The following WDR19 variants were observed in gnomAD, a reference collection of about 807,000 sequenced individuals.
The protein encoded by WDR19 is WD repeat domain 19, also known as WD repeat-containing protein 19.
A neutral mutation model predicts 180.0 loss-of-function variants in WDR19; 121 were observed. The observed-to-expected ratio is 0.67, with a 90% CI of 0.58 to 0.78. WDR19 has a LOEUF of 0.78. Ranked by LOEUF, WDR19 falls within the 30% of genes least tolerant of loss-of-function variation. WDR19 has a pLI of 0.00. For missense variants in WDR19, 1,450 were observed against 1,640.7 expected (o/e 0.88, Z 2.01); for synonymous variants, 497 against 540.7 (o/e 0.92, Z 1.12).
At chr4:39,241,761 C>T (rs1278846540) in intron 21 of WDR19, among the ~76,000 whole-genome samples, 1 of 149,834 alleles carries the variant, frequency 6.7e-6, no homozygotes, top group Non-Finnish European at 1.5e-5. Flanking sequence ...CACCGTTGCA[C>T]TCCAGCCTGG....
chr4:39,238,486 AG>A (rs577958284), intron 20 of WDR19, among the ~76,000 whole-genome samples: 2 of 152,350 alleles, frequency 1.3e-5, no homozygotes, highest in South Asian at 4.1e-4. Context: ...CTCCTGTGGA[AG>A]GAACTGTCAA....
chr4:39,239,290 A>C (rs1731675220), intron 20 of WDR19, among the ~76,000 whole-genome samples: 1 of 151,980 alleles, frequency 6.6e-6, no homozygotes, highest in African/African-American at 2.4e-5. Context: ...AATATTATTT[A>C]TATCATGTAT....
chr4:39,232,456 C>G (rs184634562), intron 19 of WDR19, 184 bp downstream of exon 19: 1 of 466,538 alleles, frequency 2.1e-6, no homozygotes, highest in African/African-American at 2.0e-5. Flanking sequence ...GAAACCTCAT[C>G]TCAGCTAAAA....
rs1286854859 is a variant in WDR19 at position 39,274,870 on chromosome 4, G to A, written c.3628G>A (p.Ala1210Thr). 1 of 1,614,032 alleles carries A rather than the reference G, an allele frequency of 6.2e-7. No individual in the cohort carries two copies. The highest frequency in any genetic ancestry group is 1.1e-5 in the South Asian group (1 of 91,082). ...ECHRAGLKNS[A>T]FSFAAMLMRP... ...TCACAGGGCAGGCCTGAAGAACTCT[G>A]CTTTCAGCTTCGCAGCTATGTTGAT... Residue 1210 changes from alanine (A) to threonine (T), a missense_variant, in exon 33 of 37, where the codon GCT (alanine) becomes ACT (threonine). Transcript: ENST00000399820.
chr4:39,279,075 C>A (rs1457990741), intron 36 of WDR19, among the ~76,000 whole-genome samples: 1 of 152,114 alleles, frequency 6.6e-6, no homozygotes, highest in Non-Finnish European at 1.5e-5. Context: ...ATTTTTGTCA[C>A]GTGGAAGCTA....
chr4:39,196,049 C>T (rs924783414), intron 5 of WDR19, among the ~76,000 whole-genome samples: 3 of 152,076 alleles, frequency 2.0e-5, no homozygotes, highest in African/African-American at 7.2e-5. Flanking sequence ...ATTTTCTTCT[C>T]CCTTTCTTGG....
intron 33 of WDR19, 82 bp from the exon 34 acceptor site, chr4:39,276,938 G>C: frequency 6.4e-7 from 1 of 1,571,302 alleles, no homozygotes. Flanking sequence ...TATGTCCCTG[G>C]TTTTCCAAAT....
chr4:39,276,337 G>A (rs1324095757), intron 33 of WDR19, among the ~76,000 whole-genome samples: 1 of 152,112 alleles, frequency 6.6e-6, no homozygotes, highest in Non-Finnish European at 1.5e-5. Flanking sequence ...GGGATGGGGA[G>A]AAGGTAACTA....
At chr4:39,218,668 C>T (rs1421792416) in intron 14 of WDR19, 1 of 152,118 alleles carries the variant, frequency 6.6e-6, no homozygotes, top group Non-Finnish European at 1.5e-5. Context: ...CTTAGGGACA[C>T]TAAACTTATT....
intron 33 of WDR19, 180 bp downstream of exon 33, chr4:39,275,138 A>C: frequency 1.3e-6 from 1 of 754,698 alleles, no homozygotes; most frequent in Non-Finnish European, 2.2e-6. Context: ...TCAGTAGTTC[A>C]AGACCAGCCT....
intron 25 of WDR19, 46 bp downstream of exon 25, chr4:39,253,338 A>G (rs1347548815): frequency 2.6e-6 from 4 of 1,557,514 alleles, no homozygotes; most frequent in Admixed American, 2.0e-5. Flanking sequence ...AACTAACCAT[A>G]AAAGTAAGCC....
At chr4:39,210,415 C>T (rs184394551) in intron 9 of WDR19, among the ~76,000 whole-genome samples, 18 of 152,342 alleles carry the variant, frequency 1.2e-4, no homozygotes, top group African/African-American at 4.1e-4. Flanking sequence ...TGCAGTGGCA[C>T]ATGGCTGCTG....
At chr4:39,194,193 AG>A (rs1215705062) in intron 4 of WDR19, among the ~76,000 whole-genome samples, 1 of 152,218 alleles carries the variant, frequency 6.6e-6, no homozygotes, top group Non-Finnish European at 1.5e-5. Flanking sequence ...TTAAAGTATG[AG>A]GTTTCACCAT....
chr4:39,246,288 T>C (rs1040077607), intron 24 of WDR19, among the ~76,000 whole-genome samples: 1 of 152,160 alleles, frequency 6.6e-6, no homozygotes, highest in African/African-American at 2.4e-5. Flanking sequence ...AGAGGATCAC[T>C]TGAGGCCAGG....
intron 36 of WDR19, among the ~76,000 whole-genome samples, chr4:39,279,991 C>T (rs1483849434): frequency 6.6e-6 from 1 of 152,090 alleles, no homozygotes; most frequent in African/African-American, 2.4e-5. Context: ...GCATGAGCCG[C>T]CACACCCAGC....
chr4:39,257,670 T>C lies in WDR19; in HGVS notation c.3183+116T>C, dbSNP rs181081378. 6.8e-6 allele frequency: 6 copies of C among 882,752 alleles called. No homozygotes were observed. In the East Asian group the frequency reaches 1.1e-4, roughly 16 times the overall value. 54.7% of individuals were successfully genotyped at this position (882,752 alleles called of 1,614,324 possible). A position where few individuals can be genotyped will look rare whatever the true frequency, so the allele number is the denominator to read the frequency against. ...ACAGTATTACAAACCCCTACATACC[T>C]ATCGTGTAACTTCAACAGCTGTCAA... On this transcript the variant is annotated intron_variant, in intron 28 of 36. Coordinates refer to ENST00000399820, the MANE Select transcript of WDR19 (RefSeq NM_025132.4).
At chr4:39,244,176 T>G (rs755388301) in intron 21 of WDR19, 72 bp from the exon 22 acceptor site, 30 of 1,489,858 alleles carry the variant, frequency 2.0e-5, no homozygotes, top group Non-Finnish European at 2.6e-5. Flanking sequence ...TAGAGTTAAA[T>G]TCATTGTTCT....
intron 3 of WDR19, 123 bp downstream of exon 3, chr4:39,186,727 G>GA (rs957403160): frequency 1.4e-5 from 9 of 653,780 alleles, no homozygotes; most frequent in Non-Finnish European, 2.0e-5. Context: ...AAAGGGATTT[G>GA]TTTTTTTAGC....
At chr4:39,271,715 A>T (rs1359787717) in intron 31 of WDR19, among the ~76,000 whole-genome samples, 1 of 152,216 alleles carries the variant, frequency 6.6e-6, no homozygotes, top group East Asian at 1.9e-4. Flanking sequence ...ATCTTTCCGT[A>T]TTAATGCTAA....
Sources: gnomAD v4.1 joint callset for allele counts (sites outside exome capture counted in the v4.1 genomes callset) on GRCh38, gnomAD v4.1.1 for gene constraint, MANE v1.5 for transcripts, NCBI Gene and HGNC (gene_info 2026-07-23, HGNC 2026-07-21) for gene names.